CAMTA1: variants seen among roughly 807,000 people sequenced by gnomAD.
CAMTA1 encodes calmodulin binding transcription activator 1.
A neutral mutation model predicts 170.9 loss-of-function variants in CAMTA1; 27 were observed. That is an observed-to-expected ratio of 0.16 (90% CI 0.12 to 0.22). CAMTA1 has a LOEUF of 0.22. Among genes scored for constraint, CAMTA1 ranks in the 10% least tolerant of loss-of-function variants. The pLI, the probability that CAMTA1 is intolerant of heterozygous loss-of-function variation, is 1.00. For synonymous variants in CAMTA1, 833 were observed against 891.5 expected, an observed-to-expected ratio of 0.93 and a Z score of 1.17; for missense variants, 1,619 against 2,217.2, an observed-to-expected ratio of 0.73 and a Z score of 5.42.
Position 7,455,348 on chromosome 1 carries a change from G to T in CAMTA1, c.439-12482G>T, listed in dbSNP as rs533176985. 5.3e-5 allele frequency among the ~76,000 whole-genome samples: 8 copies of T among 152,302 alleles called. No individual in the cohort carries two copies. The highest frequency in any genetic ancestry group is 1.9e-4 in the African/African-American group (8 of 41,558). On this transcript the variant is annotated intron_variant, in intron 5 of 22. Transcript: ENST00000303635. The surrounding 1 kb of genome is among the most constrained non-coding windows in gnomAD (Gnocchi z 5.0). ...CTTGAGAAAAAATCGGGAAAAGGCC[G>T]ATTCCCTCTGCCCAGCCCATTAATT...
At chr1:7,464,938 G>A (rs1196560670) in intron 5 of CAMTA1, among the ~76,000 whole-genome samples, 3 of 152,088 alleles carry the variant, frequency 2.0e-5, no homozygotes, top group African/African-American at 4.8e-5. Flanking sequence ...CAGCCACCCC[G>A]GCTCATCAGC....
At chr1:7,269,693 A>G (rs1369310927) in intron 5 of CAMTA1, among the ~76,000 whole-genome samples, 1 of 152,180 alleles carries the variant, frequency 6.6e-6, no homozygotes, top group African/African-American at 2.4e-5. Flanking sequence ...AGGTAGGGGG[A>G]AAAATAATAG....
intron 7 of CAMTA1, among the ~76,000 whole-genome samples, chr1:7,654,480 A>G (rs1011609866): frequency 6.6e-6 from 1 of 151,692 alleles, no homozygotes; most frequent in Non-Finnish European, 1.5e-5. Flanking sequence ...ACACACACAC[A>G]CCCCTATACA....
chr1:7,674,188 G>T lies in CAMTA1; in HGVS notation c.2779+3151G>T, dbSNP rs1004384483. On this transcript the variant is annotated intron_variant, in intron 10 of 22. Transcript: ENST00000303635. The surrounding 1 kb of genome is among the most constrained non-coding windows in gnomAD (Gnocchi z 4.1). The stretch of plus-strand genomic sequence containing the variant: ...CCCGTCTCCCAACACACCTGCCCAA[G>T]CAAAACAGATGAGCAGGGTCCTGCC... Among the ~76,000 whole-genome samples, 1 of 152,206 alleles carries T rather than the reference G, an allele frequency of 6.6e-6. No homozygotes were observed. The highest frequency in any genetic ancestry group is 2.4e-5 in the African/African-American group (1 of 41,456).
intron 4 of CAMTA1, among the ~76,000 whole-genome samples, chr1:7,099,888 T>C (rs1295581224): frequency 6.6e-6 from 1 of 152,232 alleles, no homozygotes; most frequent in Non-Finnish European, 1.5e-5. Context: ...GTTTCTTGCC[T>C]CTCTTCTGCT....
chr1:7,457,273 C>CT (rs1342540203), intron 5 of CAMTA1, among the ~76,000 whole-genome samples: 3 of 151,892 alleles, frequency 2.0e-5, no homozygotes, highest in African/African-American at 4.8e-5. Context: ...TTATTTATAT[C>CT]TTTCAACATG....
rs1275552393 is a variant in CAMTA1 at position 7,093,324 on chromosome 1, G to T, written c.302+1953G>T. Among the ~76,000 whole-genome samples, 1 of 152,152 alleles carries T rather than the reference G, an allele frequency of 6.6e-6. No homozygotes were observed. Among genetic ancestry groups the T allele is most frequent in the East Asian group, 1.9e-4 (1 of 5,186 alleles). ...TGGGACTGTACTTTGAGGGCCACTGGCCTAGTTTTCTGGGGGAGAAGGAGG... is the reference window on the plus strand; with the variant it reads ...TGGGACTGTACTTTGAGGGCCACTGTCCTAGTTTTCTGGGGGAGAAGGAGG... On this transcript the variant is annotated intron_variant, in intron 4 of 22. Transcript: ENST00000303635. This position sits in a 1 kb window ranked among gnomAD's most constrained non-coding sequence, Gnocchi z 4.6.
chr1:7,514,712 A>G (rs1030133276), intron 6 of CAMTA1, among the ~76,000 whole-genome samples: 4 of 152,198 alleles, frequency 2.6e-5, no homozygotes, highest in Non-Finnish European at 5.9e-5. Flanking sequence ...GGGCATGAGC[A>G]GACAGTGGGA....
intron 16 of CAMTA1, among the ~76,000 whole-genome samples, chr1:7,743,728 A>C (rs1373835784): frequency 6.6e-6 from 1 of 152,120 alleles, no homozygotes; most frequent in African/African-American, 2.4e-5. Context: ...ACCACTCCTA[A>C]GAGGTATGCA....
intron 1 of CAMTA1, among the ~76,000 whole-genome samples, chr1:6,809,075 G>A (rs1251739212): frequency 6.7e-6 from 1 of 149,306 alleles, no homozygotes; most frequent in Admixed American, 6.8e-5. Flanking sequence ...CGCCCAGGCT[G>A]CAGTGCAATG....
At chr1:6,931,648 G>A (rs555072202) in intron 3 of CAMTA1, among the ~76,000 whole-genome samples, 1 of 152,300 alleles carries the variant, frequency 6.6e-6, no homozygotes, top group Non-Finnish European at 1.5e-5. Context: ...TGAGGAAGTT[G>A]AGGCATTAAG....
chr1:6,925,996 A>G (rs1475557918), intron 3 of CAMTA1, among the ~76,000 whole-genome samples: 4 of 152,096 alleles, frequency 2.6e-5, no homozygotes, highest in East Asian at 1.9e-4. Context: ...TCCATAATCT[A>G]AGTCACAGCC....
rs1174239473 is a variant in CAMTA1 at position 7,027,909 on chromosome 1, CT to C, written c.235-63382del. Among the ~76,000 whole-genome samples the C allele has an allele frequency of 6.3e-3, 903 of 143,046 alleles. 5 individuals carry two copies. The highest frequency in any genetic ancestry group is 0.019 in the African/African-American group (741 of 38,888). The allele number at this position is 143,046 out of a possible 152,430, so 93.8% of individuals were successfully genotyped here. Reference sequence around the variant, plus strand: ...TATTATTTCTTTTTCTTTTTCTTTTCTTTTTTTTTTTTTGAGACGGAGCTTC... The same window carrying C: ...TATTATTTCTTTTTCTTTTTCTTTTCTTTTTTTTTTTTGAGACGGAGCTTC... On this transcript the variant is annotated intron_variant, in intron 3 of 22. Transcript: ENST00000303635.
chr1:7,331,704 G>C (rs1054369538), intron 5 of CAMTA1, among the ~76,000 whole-genome samples: 1 of 152,164 alleles, frequency 6.6e-6, no homozygotes, highest in Non-Finnish European at 1.5e-5. Flanking sequence ...TCAGAACCAT[G>C]TGCTCAGCAA....
At chr1:6,937,962 G>A (rs555662881) in intron 3 of CAMTA1, among the ~76,000 whole-genome samples, 66 of 152,230 alleles carry the variant, frequency 4.3e-4, no homozygotes, top group Admixed American at 2.7e-3. Flanking sequence ...CAGACCTTTG[G>A]AGAAATCCCT....
intron 9 of CAMTA1, among the ~76,000 whole-genome samples, chr1:7,666,013 C>CA (rs2095997931): frequency 6.6e-6 from 1 of 151,766 alleles, no homozygotes. Flanking sequence ...ACTAAAAATA[C>CA]AAAAAATTAA....
At chr1:7,696,495 G>GTTTTTTT (rs368573981) in intron 11 of CAMTA1, among the ~76,000 whole-genome samples, 1 of 147,394 alleles carries the variant, frequency 6.8e-6, no homozygotes, top group Non-Finnish European at 1.5e-5. Flanking sequence ...TGCCCAGCCA[G>GTTTTTTT]TTTTTTTTTT....
Position 7,430,091 on chromosome 1 carries a change from GCTGCTA to G in CAMTA1, c.439-37733_439-37728del, listed in dbSNP as rs557581099. Reference sequence around the variant, plus strand: ...ACATAGATCCAAAGGTGGCAAATCTGCTGCTACTGCTGCTGCTGATGGGGATGTTGA... The same window carrying G: ...ACATAGATCCAAAGGTGGCAAATCTGCTGCTGCTGCTGATGGGGATGTTGA... On this transcript the variant is annotated intron_variant, in intron 5 of 22. Coordinates refer to ENST00000303635, the MANE Select transcript of CAMTA1 (RefSeq NM_015215.4). Among the ~76,000 whole-genome samples the G allele has an allele frequency of 5.9e-5, 9 of 152,288 alleles. No individual in the cohort carries two copies. In the South Asian group the frequency reaches 1.9e-3, roughly 32 times the overall value.
At chr1:7,320,705 A>C (rs79346791) in intron 5 of CAMTA1, among the ~76,000 whole-genome samples, 6,523 of 140,806 alleles carry the variant, frequency 0.046, 197 homozygotes, top group Middle Eastern at 0.081. Flanking sequence ...GAGAGGGATA[A>C]TTTCAGAGAC....
Sources: gnomAD v4.1 joint callset for allele counts (sites outside exome capture counted in the v4.1 genomes callset) on GRCh38, gnomAD v4.1.1 for gene constraint, Gnocchi (gnomAD v3.1) non-coding constraint, MANE v1.5 for transcripts, NCBI Gene and HGNC (gene_info 2026-07-23, HGNC 2026-07-21) for gene names.